The following CAAP1 variants were observed in gnomAD, a reference collection of about 807,000 sequenced individuals.
CAAP1 encodes conserved anti-apoptotic protein.
In CAAP1, 20 loss-of-function variants were observed where a neutral mutation model predicts 34.0. The observed-to-expected ratio is 0.59, with a 90% confidence interval of 0.41 to 0.86. CAAP1 has a LOEUF of 0.86. Ranked by LOEUF, CAAP1 falls within the 40% of genes least tolerant of loss-of-function variation. The pLI, the probability that CAAP1 is intolerant of heterozygous loss-of-function variation, is 0.00. For synonymous variants in CAAP1, 213 were observed against 166.7 expected (o/e 1.28, Z -2.14); for missense variants, 538 against 450.5 (o/e 1.19, Z -1.76).
intron 5 of CAAP1, among the ~76,000 whole-genome samples, chr9:26,848,494 C>T (rs968286056): frequency 8.6e-5 from 13 of 151,870 alleles, no homozygotes; most frequent in African/African-American, 2.4e-4. Flanking sequence ...CCAGCCTGCG[C>T]GACAGAGCGA....
At position 26,860,750 on chromosome 9, in the gene CAAP1, C is replaced by T. The variant is rs190024525; in HGVS notation, c.739+316G>A. ...AGCTTGCAGTGAGCCAAGATCGCGC[C>T]ACTGCACTCCAGCCTGGGCGACAGG... On this transcript the variant is annotated intron_variant, in intron 5 of 5. Transcript: ENST00000333916. Among the ~76,000 whole-genome samples, 36 of 152,188 alleles carry T rather than the reference C, an allele frequency of 2.4e-4. No homozygotes were observed. The East Asian group carries it at 5.0e-3, about 21-fold the overall frequency.
At chr9:26,882,186 G>A (rs548354850) in intron 4 of CAAP1, among the ~76,000 whole-genome samples, 145 of 152,324 alleles carry the variant, frequency 9.5e-4, no homozygotes, top group African/African-American at 3.2e-3. Context: ...ATTTTCTGAG[G>A]AGAAAAATCA....
chr9:26,866,492 C>T (rs1018168432), intron 4 of CAAP1, among the ~76,000 whole-genome samples: 1 of 152,092 alleles, frequency 6.6e-6, no homozygotes, highest in African/African-American at 2.4e-5. Context: ...TCACTATATC[C>T]TTTTAAAATC....
In CAAP1 at chr9:26,886,113, T is replaced by C; in HGVS notation, c.580A>G (p.Ile194Val). 1 of 1,542,234 alleles carries C rather than the reference T, an allele frequency of 6.5e-7. No individual in the cohort carries two copies. Among genetic ancestry groups the C allele is most frequent in the Admixed American group, 2.0e-5 (1 of 48,950 alleles). The change falls in exon 3 of 6, where the codon ATT becomes GTT. Residue 194 changes from isoleucine (I) to valine (V), a missense_variant. This residue lies in a region of CAAP1 where 514 missense variants were observed against 408.4 expected (regional missense o/e 1.26). Transcript: ENST00000333916. ...AAATATGTATTCTTACCCTCAAGAA[T>C]CTTCAAAATTTTTTTTTCAGACAGG... ...ELLSEKKILK[I>V]LEGDNGMDSD...
chr9:26,874,941 A>G lies in CAAP1; in HGVS notation c.665+9869T>C, dbSNP rs1035499222. On this transcript the variant is annotated intron_variant, in intron 4 of 5. Coordinates refer to ENST00000333916, the MANE Select transcript of CAAP1 (RefSeq NM_024828.4). ...GCAAAGATAAATTTATAATCTTTAA[A>G]GCTTGTTCATAAACACTTGTGCATA... is the stretch of plus-strand genomic sequence containing the variant. Among the ~76,000 whole-genome samples the G allele has an allele frequency of 5.3e-5, 8 of 152,346 alleles. No individual in the cohort carries two copies. The South Asian group carries it at 1.7e-3, about 32-fold the overall frequency.
In CAAP1 at chr9:26,876,479, T is replaced by TG. The variant is rs1482688116; in HGVS notation, c.665+8330_665+8331insC. ...ATATATGCATTCTAGAAGGTTTTTTTTTTTTTTTTTTTGAGATTCCTTAAA... is the reference window on the plus strand; with the variant it reads ...ATATATGCATTCTAGAAGGTTTTTTTGTTTTTTTTTTTTGAGATTCCTTAAA... On this transcript the variant is annotated intron_variant, in intron 4 of 5. Transcript: ENST00000333916. 6.6e-5 allele frequency among the ~76,000 whole-genome samples: 10 copies of TG among 151,874 alleles called. No homozygotes were observed. In the East Asian group the frequency reaches 1.5e-3, roughly 24 times the overall value.
chr9:26,865,109 CTG>C (rs1823101993), intron 4 of CAAP1, among the ~76,000 whole-genome samples: 1 of 152,110 alleles, frequency 6.6e-6, no homozygotes, highest in South Asian at 2.1e-4. Flanking sequence ...TTGATCTCAA[CTG>C]TGAGAAAAAT....
intron 4 of CAAP1, among the ~76,000 whole-genome samples, chr9:26,879,208 T>C (rs112157348): frequency 1.2e-3 from 187 of 152,340 alleles, no homozygotes; most frequent in African/African-American, 4.2e-3. Context: ...TCCAAGATAA[T>C]TTCTATTTCT....
intron 4 of CAAP1, among the ~76,000 whole-genome samples, chr9:26,867,683 T>C (rs906817444): frequency 1.3e-5 from 2 of 152,302 alleles, no homozygotes; most frequent in African/African-American, 2.4e-5. Flanking sequence ...ACATCCAAAA[T>C]ACTGTTTATA....
intron 3 of CAAP1, among the ~76,000 whole-genome samples, chr9:26,885,890 C>T (rs1823726244): frequency 6.6e-6 from 1 of 152,100 alleles, no homozygotes; most frequent in South Asian, 2.1e-4. Context: ...TACCTATATA[C>T]ACTTGACCTG....
At chr9:26,846,775 C>T (rs1450981153) in intron 5 of CAAP1, among the ~76,000 whole-genome samples, 2 of 152,108 alleles carry the variant, frequency 1.3e-5, no homozygotes, top group Non-Finnish European at 2.9e-5. Flanking sequence ...ACAACCTCCA[C>T]CTCCCAGGTT....
At chr9:26,890,412 G>A (rs1322729546) in intron 1 of CAAP1, among the ~76,000 whole-genome samples, 1 of 151,198 alleles carries the variant, frequency 6.6e-6, no homozygotes, top group African/African-American at 2.4e-5. Context: ...AAATAAGAAT[G>A]GTAATATCCA....
At chr9:26,885,551 C>A (rs965596644) in intron 3 of CAAP1, among the ~76,000 whole-genome samples, 1 of 151,728 alleles carries the variant, frequency 6.6e-6, no homozygotes. Context: ...TTTGTTTCTT[C>A]TTCTGTCATG....
intron 5 of CAAP1, among the ~76,000 whole-genome samples, chr9:26,845,818 C>T (rs541336268): frequency 6.6e-6 from 1 of 152,270 alleles, no homozygotes; most frequent in African/African-American, 2.4e-5. Flanking sequence ...AAAAGATTAT[C>T]TTCTGATCCC....
intron 5 of CAAP1, among the ~76,000 whole-genome samples, chr9:26,848,228 T>C (rs1822662491): frequency 1.3e-5 from 2 of 152,126 alleles, no homozygotes; most frequent in African/African-American, 4.8e-5. Flanking sequence ...ACAGTTCTTA[T>C]ATGTGGCCAG....
chr9:26,862,694 T>C (rs1347578692), intron 4 of CAAP1, among the ~76,000 whole-genome samples: 8 of 152,162 alleles, frequency 5.3e-5, no homozygotes, highest in African/African-American at 1.7e-4. Context: ...ATAACTGACC[T>C]GAGACTGCTG....
chr9:26,861,856 T>A (rs1416729227), intron 4 of CAAP1, among the ~76,000 whole-genome samples: 1 of 152,156 alleles, frequency 6.6e-6, no homozygotes, highest in Non-Finnish European at 1.5e-5. Context: ...CTAGAAATAT[T>A]TAGGAAATCT....
chr9:26,864,877 T>G (rs1823094812), intron 4 of CAAP1, among the ~76,000 whole-genome samples: 2 of 152,230 alleles, frequency 1.3e-5, no homozygotes, highest in Admixed American at 1.3e-4. Context: ...TAATACTTTC[T>G]GTAAAGATTT....
chr9:26,872,984 G>C (rs1823318746), intron 4 of CAAP1, among the ~76,000 whole-genome samples: 1 of 152,128 alleles, frequency 6.6e-6, no homozygotes. Context: ...ACTTTGATTG[G>C]GTGCAGTGGC....
Sources: allele counts gnomAD v4.1 joint callset (sites outside exome capture counted in the v4.1 genomes callset), GRCh38; gene constraint gnomAD v4.1.1; regional missense constraint gnomAD v4.1.1; transcripts MANE v1.5; gene names NCBI Gene and HGNC (gene_info 2026-07-23, HGNC 2026-07-21).